NEK11: variants seen among roughly 807,000 people sequenced by gnomAD.
NEK11 encodes NIMA related kinase 11, also known as serine/threonine-protein kinase Nek11.
In NEK11, 72 loss-of-function variants were observed where a neutral mutation model predicts 80.7. The observed-to-expected ratio is 0.89, with a 90% CI of 0.74 to 1.08. The LOEUF is 1.08. NEK11 is among the 50% of genes least tolerant of loss of function. The probability of loss-of-function intolerance (pLI) is 0.00; values close to 1 mark genes in which losing one functional copy is unlikely to be tolerated. For missense variants in NEK11, 764 were observed against 763.6 expected (o/e 1.00, Z -0.01); for synonymous variants, 251 against 260.7 (o/e 0.96, Z 0.36).
chr3:131,221,786 G>T (rs548928883), intron 14 of NEK11, among the ~76,000 whole-genome samples: 1 of 152,140 alleles, frequency 6.6e-6, no homozygotes, highest in East Asian at 1.9e-4. Context: ...TTTTCTCCTC[G>T]AAGGTTCTAT....
chr3:131,080,892 T>C (rs1411241193), intron 4 of NEK11, among the ~76,000 whole-genome samples: 1 of 152,106 alleles, frequency 6.6e-6, no homozygotes, highest in Non-Finnish European at 1.5e-5. Flanking sequence ...AGAGGATTGC[T>C]AATCCAGGAG....
chr3:131,201,061 C>T (rs1036530813), intron 14 of NEK11, among the ~76,000 whole-genome samples: 1 of 152,014 alleles, frequency 6.6e-6, no homozygotes, highest in Non-Finnish European at 1.5e-5. Flanking sequence ...TCTGTAACAA[C>T]ATAGATAAAT....
In NEK11 at chr3:131,287,240, T is replaced by C. The variant is rs912117875; in HGVS notation, c.1718+13666T>C. ...TGGGAATGGGACCCATGGCCCACTT[T>C]ATCTGTTTCAAGGATGGTCCAAAGA... is the stretch of plus-strand genomic sequence containing the variant. On this transcript the variant is annotated intron_variant, in intron 17 of 17. Transcript: ENST00000383366. Among the ~76,000 whole-genome samples the C allele has an allele frequency of 2.0e-5, 3 of 152,156 alleles. No individual in the cohort carries two copies. The South Asian group carries it at 6.2e-4, about 32-fold the overall frequency.
At chr3:131,230,919 C>A (rs999046668) in intron 15 of NEK11, among the ~76,000 whole-genome samples, 48 of 152,128 alleles carry the variant, frequency 3.2e-4, no homozygotes, top group African/African-American at 1.0e-3. Flanking sequence ...ATAAGTCTCA[C>A]GAGATCTGAT....
intron 3 of NEK11, among the ~76,000 whole-genome samples, chr3:131,067,258 T>G (rs983461412): frequency 2.6e-5 from 4 of 152,322 alleles, no homozygotes; most frequent in Admixed American, 2.6e-4. Flanking sequence ...TAAAGTACCT[T>G]CCACAGATCA....
In NEK11 at chr3:131,115,964, T is replaced by TTCTTTCTTTCTTTCTTTC. The variant is rs1553878585; in HGVS notation, c.455+6045_455+6062dup. On this transcript the variant is annotated intron_variant, in intron 5 of 17. Transcript: ENST00000383366. Reference sequence around the variant, plus strand: ...TTTCTTTCTTTCTTTCTTTCTTTCTTTCTTTCTTTCTTTCTTTCTTTCTTT... The same window carrying TTCTTTCTTTCTTTCTTTC: ...TTTCTTTCTTTCTTTCTTTCTTTCTTTCTTTCTTTCTTTCTTTCTCTTTCTTTCTTTCTTTCTTTCTTT... Among the ~76,000 whole-genome samples, 57 of 145,202 alleles carry TTCTTTCTTTCTTTCTTTC rather than the reference T, an allele frequency of 3.9e-4. 1 individual carries two copies. Among genetic ancestry groups the TTCTTTCTTTCTTTCTTTC allele is most frequent in the African/African-American group, 8.0e-4 (31 of 38,692 alleles).
intron 11 of NEK11, among the ~76,000 whole-genome samples, chr3:131,164,265 T>C (rs1464266718): frequency 6.6e-6 from 1 of 152,230 alleles, no homozygotes; most frequent in Non-Finnish European, 1.5e-5. Context: ...GTGATATAAA[T>C]ACTTCCACTG....
At chr3:131,148,833 G>GT (rs1036393802) in intron 7 of NEK11, among the ~76,000 whole-genome samples, 22 of 151,180 alleles carry the variant, frequency 1.5e-4, no homozygotes, top group Non-Finnish European at 2.1e-4. Context: ...AAAATAGGTA[G>GT]TTTTTTTTCA....
chr3:131,142,706 A>G (rs1211444731), intron 7 of NEK11, among the ~76,000 whole-genome samples: 1 of 152,192 alleles, frequency 6.6e-6, no homozygotes. Context: ...AAGAATAGCT[A>G]AAGATGCAAA....
chr3:131,258,254 C>T (rs9816811), intron 16 of NEK11, among the ~76,000 whole-genome samples: 128,479 of 151,976 alleles, frequency 0.85, 54,494 homozygotes, highest in East Asian at 1. Context: ...ATCTCAGAAA[C>T]CATCACTAAA....
intron 14 of NEK11, among the ~76,000 whole-genome samples, chr3:131,226,441 G>C (rs186036412): frequency 0.051 from 7,753 of 152,094 alleles, 269 homozygotes; most frequent in East Asian, 0.19. Flanking sequence ...GCCCATCACT[G>C]ATGAGTGGAT....
intron 14 of NEK11, among the ~76,000 whole-genome samples, chr3:131,195,089 C>T (rs543211908): frequency 6.6e-5 from 10 of 152,284 alleles, no homozygotes; most frequent in Admixed American, 2.0e-4. Context: ...CTGCCCGCAA[C>T]GAGTTCATTC....
intron 5 of NEK11, among the ~76,000 whole-genome samples, chr3:131,112,750 T>C (rs2080338831): frequency 6.6e-6 from 1 of 152,076 alleles, no homozygotes; most frequent in South Asian, 2.1e-4. Flanking sequence ...GCTTTCCAGA[T>C]ATAGGGAACA....
chr3:131,304,399 G>A (rs140363776), intron 17 of NEK11, among the ~76,000 whole-genome samples: 50 of 152,130 alleles, frequency 3.3e-4, no homozygotes, highest in East Asian at 2.9e-3. Flanking sequence ...TGAATTCTAC[G>A]TCTGTCATTT....
intron 14 of NEK11, among the ~76,000 whole-genome samples, chr3:131,190,158 C>G (rs1579867622): frequency 1.3e-5 from 2 of 152,048 alleles, no homozygotes; most frequent in East Asian, 3.9e-4. Flanking sequence ...TTTAAAGAAG[C>G]AAAAATTCTT....
intron 3 of NEK11, among the ~76,000 whole-genome samples, chr3:131,068,455 C>T (rs1318548315): frequency 6.6e-6 from 1 of 152,194 alleles, no homozygotes; most frequent in Non-Finnish European, 1.5e-5. Context: ...TAATGTTTTC[C>T]TTTGATCATA....
At chr3:131,281,207 G>A (rs1320933300) in intron 17 of NEK11, among the ~76,000 whole-genome samples, 3 of 152,124 alleles carry the variant, frequency 2.0e-5, no homozygotes, top group Non-Finnish European at 4.4e-5. Flanking sequence ...TCCAAAGTCA[G>A]ATCTATTAAA....
intron 14 of NEK11, among the ~76,000 whole-genome samples, chr3:131,180,671 T>G (rs1180625489): frequency 1.3e-5 from 2 of 152,206 alleles, no homozygotes; most frequent in Non-Finnish European, 2.9e-5. Context: ...AATATCATAT[T>G]GTACTTTACA....
chr3:131,110,601 G>A (rs143766931), intron 5 of NEK11, among the ~76,000 whole-genome samples: 27 of 152,150 alleles, frequency 1.8e-4, no homozygotes, highest in Admixed American at 4.6e-4. Context: ...ATATGAACAC[G>A]TTTGAAAAGA....
Sources: allele counts gnomAD v4.1 joint callset (sites outside exome capture counted in the v4.1 genomes callset), GRCh38; gene constraint gnomAD v4.1.1; transcripts MANE v1.5; gene names NCBI Gene and HGNC (gene_info 2026-07-23, HGNC 2026-07-21).